Variants in ATP10A observed in about 807,000 individuals in gnomAD.
The protein encoded by ATP10A is phospholipid-transporting ATPase VA.
Under a neutral mutation model 147.8 loss-of-function variants are expected in ATP10A, and 111 were observed. The ratio of observed to expected loss-of-function variants is 0.75; its 90% CI spans 0.64 to 0.88. The LOEUF (loss-of-function observed/expected upper bound fraction) is 0.88, where lower values mean the gene tolerates loss of function less well. ATP10A is among the 40% of genes least tolerant of loss of function. The pLI is 0.00. For synonymous variants in ATP10A, 875 were observed against 841.6 expected (o/e 1.04, Z -0.69); for missense variants, 1,927 against 1,959.0 (o/e 0.98, Z 0.31).
chr15:25,763,321 C>T (rs56407267), intron 2 of ATP10A, among the ~76,000 whole-genome samples: 6,816 of 152,202 alleles, frequency 0.045, 211 homozygotes, highest in Middle Eastern at 0.082. Context: ...ATTTAACATC[C>T]GCTCATCTGT....
intron 7 of ATP10A, among the ~76,000 whole-genome samples, chr15:25,720,605 G>C (rs2140418660): frequency 6.6e-6 from 1 of 152,222 alleles, no homozygotes; most frequent in East Asian, 1.9e-4. Context: ...TAGGAGAAGG[G>C]AAAAAGAGAG....
At position 25,829,440 on chromosome 15, in the gene ATP10A, A is replaced by C. The variant is rs550056664; in HGVS notation, c.449+33208T>G. Reference sequence around the variant, plus strand: ...GTGAATAAATGAGTATTGAGTGTTGATGTTATTTGTTCTTTCAAAAAAATT... The same window carrying C: ...GTGAATAAATGAGTATTGAGTGTTGCTGTTATTTGTTCTTTCAAAAAAATT... On this transcript the variant is annotated intron_variant, in intron 1 of 20. Coordinates refer to ENST00000555815, the MANE Select transcript of ATP10A (RefSeq NM_024490.4). Among the ~76,000 whole-genome samples, 4 of 152,330 alleles carry C rather than the reference A, an allele frequency of 2.6e-5. No homozygotes were observed. In the South Asian group the frequency reaches 8.3e-4, roughly 32 times the overall value.
At chr15:25,673,525 C>T (rs1899081920), downstream of ATP10A, among the ~76,000 whole-genome samples, 1 of 152,238 alleles carries the variant, frequency 6.6e-6, no homozygotes, top group African/African-American at 2.4e-5. Context: ...ATAGGACTTT[C>T]ACAAGCATGA....
chr15:25,749,802 A>ACTT (rs1888051917), intron 2 of ATP10A, among the ~76,000 whole-genome samples: 1 of 152,202 alleles, frequency 6.6e-6, no homozygotes, highest in Non-Finnish European at 1.5e-5. Context: ...CCAAAATTGA[A>ACTT]CTTCTAGAGA....
At chr15:25,726,760 C>T (rs1192597281) in intron 4 of ATP10A, among the ~76,000 whole-genome samples, 2 of 146,828 alleles carry the variant, frequency 1.4e-5, no homozygotes, top group East Asian at 2.3e-4. Flanking sequence ...TCTTAGAAAA[C>T]GGTGAGGGAG....
chr15:25,673,474 T>C (rs1260557479), downstream of ATP10A, among the ~76,000 whole-genome samples: 1 of 152,244 alleles, frequency 6.6e-6, no homozygotes, highest in African/African-American at 2.4e-5. Flanking sequence ...CTCTTCAGTT[T>C]CAAACTACTC....
chr15:25,694,467 G>T (rs962650174), intron 14 of ATP10A, among the ~76,000 whole-genome samples: 2 of 152,218 alleles, frequency 1.3e-5, no homozygotes, highest in Non-Finnish European at 2.9e-5. Context: ...AAGTTGGCCT[G>T]GGCTAAGGCT....
intron 1 of ATP10A, among the ~76,000 whole-genome samples, chr15:25,823,040 C>A (rs1891954213): frequency 1.3e-5 from 2 of 151,548 alleles, no homozygotes; most frequent in South Asian, 4.2e-4. Flanking sequence ...TACAAACTTT[C>A]AGAAATTAAC....
intron 1 of ATP10A, among the ~76,000 whole-genome samples, chr15:25,818,963 T>C (rs1250423346): frequency 6.6e-6 from 1 of 152,154 alleles, no homozygotes; most frequent in Non-Finnish European, 1.5e-5. Context: ...CTCTAAGACC[T>C]GAAACTATAA....
chr15:25,786,772 C>A (rs1439151478), intron 1 of ATP10A, among the ~76,000 whole-genome samples: 2 of 149,614 alleles, frequency 1.3e-5, no homozygotes, highest in Non-Finnish European at 3.0e-5. Flanking sequence ...ACTACAGGCG[C>A]CCACCACCAT....
Position 25,781,202 on chromosome 15 carries a change from G to A in ATP10A, c.471C>T (p.Asn157=), listed in dbSNP as rs1889905095. Residue 157 remains asparagine, a synonymous_variant, in exon 2 of 21, where the codon AAC becomes AAT. Transcript: ENST00000555815. The part of the protein sequence containing the change: ...VFSREEKKYV[N]RFWKEIHVGD... ...CCACGTGGATTTCTTTCCAGAATCG[G>A]TTCACGTATTTCTTTTCTTCCCTAG... 6.2e-7 allele frequency: 1 copy of A among 1,613,830 alleles called. No homozygotes were observed. The highest frequency in any genetic ancestry group is 1.7e-5 in the Admixed American group (1 of 59,990).
Position 25,806,604 on chromosome 15 carries a change from A to G in ATP10A, c.450-25381T>C, listed in dbSNP as rs540185612. On this transcript the variant is annotated intron_variant, in intron 1 of 20. Coordinates refer to ENST00000555815, the MANE Select transcript of ATP10A (RefSeq NM_024490.4). ...TGGGATTACAGGTGTGAGCCACCGC[A>G]CCCAGCCAAGATTTTCTTAATAACA... is the stretch of plus-strand genomic sequence containing the variant. Among the ~76,000 whole-genome samples, 11 of 152,144 alleles carry G rather than the reference A, an allele frequency of 7.2e-5. 1 individual carries two copies. Among genetic ancestry groups the G allele is most frequent in the African/African-American group, 2.4e-4 (10 of 41,506 alleles).
chr15:25,803,685 G>A (rs953430372), intron 1 of ATP10A, among the ~76,000 whole-genome samples: 6 of 146,876 alleles, frequency 4.1e-5, no homozygotes, highest in African/African-American at 1.6e-4. Flanking sequence ...GCACTTCCGG[G>A]ACAGCCCACA....
intron 16 of ATP10A, among the ~76,000 whole-genome samples, chr15:25,684,898 G>A (rs1001839178): frequency 6.6e-6 from 1 of 152,006 alleles, no homozygotes; most frequent in East Asian, 1.9e-4. Context: ...CAGCCTCCAA[G>A]TCCTGTGTCA....
At chr15:25,692,524 A>T (rs1352243134) in intron 14 of ATP10A, among the ~76,000 whole-genome samples, 2 of 152,182 alleles carry the variant, frequency 1.3e-5, no homozygotes, top group Non-Finnish European at 2.9e-5. Context: ...GCAGATACAC[A>T]AAGTTAGAAT....
rs767096030 is a variant in ATP10A at position 25,679,469 on chromosome 15, G to C, written c.4372C>G (p.Arg1458Gly). 3 of 1,613,874 alleles carry C rather than the reference G, an allele frequency of 1.9e-6. No homozygotes were observed. The highest frequency in any genetic ancestry group is 1.3e-5 in the African/African-American group (1 of 74,924). ...SRLGSVLQFS[R>G]TEQLADGQAG... ...TGTCCATCTGCAAGCTGCTCCGTCC[G>C]GGAGAACTGTAAGACACTCCCCAGC... Residue 1458 changes from arginine (R) to glycine (G), a missense_variant, in exon 21 of 21, where the codon CGG (arginine) becomes GGG (glycine). By Grantham distance (125) the Arg-to-Gly change is moderately radical. Coordinates refer to ENST00000555815, the MANE Select transcript of ATP10A (RefSeq NM_024490.4).
At chr15:25,709,032 C>T (rs540302037) in intron 10 of ATP10A, 2 of 152,324 alleles carry the variant, frequency 1.3e-5, no homozygotes, top group African/African-American at 4.8e-5. Flanking sequence ...GACCCTTTTA[C>T]ATGCCTGACC....
chr15:25,800,300 A>G (rs1890878767), intron 1 of ATP10A, among the ~76,000 whole-genome samples: 1 of 152,096 alleles, frequency 6.6e-6, no homozygotes, highest in African/African-American at 2.4e-5. Flanking sequence ...TATGTCCTGG[A>G]CAAGATAAGC....
At chr15:25,777,096 C>CGTGTGT (rs34174555) in intron 2 of ATP10A, among the ~76,000 whole-genome samples, 10,971 of 149,756 alleles carry the variant, frequency 0.073, 450 homozygotes, top group Middle Eastern at 0.19. Context: ...TGCATACGTG[C>CGTGTGT]GTGTGTGTGT....
Sources: allele counts gnomAD v4.1 joint callset (sites outside exome capture counted in the v4.1 genomes callset), GRCh38; gene constraint gnomAD v4.1.1; transcripts MANE v1.5; gene names NCBI Gene and HGNC (gene_info 2026-07-23, HGNC 2026-07-21).